CELF4: variants seen among roughly 807,000 people sequenced by gnomAD.
The protein encoded by CELF4 is CUG-BP- and ETR-3-like factor 4.
Under a neutral mutation model 59.9 loss-of-function variants are expected in CELF4, and 18 were observed. That is an observed-to-expected ratio of 0.30 (90% CI 0.21 to 0.45). The LOEUF is 0.45. Among genes scored for constraint, CELF4 ranks in the 20% least tolerant of loss-of-function variants. The pLI is 1.00. For missense variants in CELF4, 456 were observed against 689.0 expected (o/e 0.66, Z 3.79); for synonymous variants, 261 against 267.1 (o/e 0.98, Z 0.22).
intron 3 of CELF4, among the ~76,000 whole-genome samples, chr18:37,282,322 C>T (rs974897577): frequency 1.1e-4 from 17 of 152,112 alleles, no homozygotes; most frequent in Admixed American, 6.5e-4. Context: ...CACTGAGATG[C>T]TCTCCAGCCT....
intron 2 of CELF4, among the ~76,000 whole-genome samples, chr18:37,376,364 T>A (rs1002133448): frequency 2.0e-5 from 3 of 152,212 alleles, no homozygotes; most frequent in Admixed American, 6.5e-5. Flanking sequence ...AGCCCCTGCC[T>A]GGCTTGGTGT....
intron 1 of CELF4, among the ~76,000 whole-genome samples, chr18:37,512,495 C>T (rs1320607473): frequency 6.7e-6 from 1 of 150,036 alleles, no homozygotes; most frequent in Non-Finnish European, 1.5e-5. Flanking sequence ...TTTTCCTCCT[C>T]TTCTTCCTCT....
chr18:37,551,691 C>A (rs2154605907), intron 1 of CELF4, among the ~76,000 whole-genome samples: 1 of 152,296 alleles, frequency 6.6e-6, no homozygotes, highest in South Asian at 2.1e-4. Context: ...GCAAACATGG[C>A]CACGGGTTTA....
At chr18:37,295,037 T>G (rs554474497) in intron 3 of CELF4, among the ~76,000 whole-genome samples, 1 of 152,198 alleles carries the variant, frequency 6.6e-6, no homozygotes, top group Non-Finnish European at 1.5e-5. Context: ...TTCTGGACCA[T>G]GTAGGTGAAC....
chr18:37,407,936 C>T (rs1405055932), intron 2 of CELF4, among the ~76,000 whole-genome samples: 1 of 151,738 alleles, frequency 6.6e-6, no homozygotes, highest in Non-Finnish European at 1.5e-5. Flanking sequence ...TGCTCTGTAC[C>T]ACAGAATATT....
chr18:37,262,536 G>A (rs1160839594), intron 10 of CELF4, among the ~76,000 whole-genome samples: 1 of 152,186 alleles, frequency 6.6e-6, no homozygotes, highest in South Asian at 2.1e-4. Flanking sequence ...CTCAGTTTAA[G>A]GCCTGCAGTA....
In CELF4 at chr18:37,407,599, A is replaced by G. The variant is rs956425821; in HGVS notation, c.369+77926T>C. On this transcript the variant is annotated intron_variant, in intron 2 of 12. Coordinates refer to ENST00000420428, the MANE Select transcript of CELF4 (RefSeq NM_020180.4). ...TGTATGTGTGTGGGTATATGTGTAT[A>G]TATATACACACATATACCCACACAC... 1.5e-4 allele frequency among the ~76,000 whole-genome samples: 14 copies of G among 95,042 alleles called. No homozygotes were observed. The East Asian group carries it at 5.1e-3, about 35-fold the overall frequency. 62.4% of individuals were successfully genotyped at this position (95,042 alleles called of 152,430 possible).
intron 1 of CELF4, among the ~76,000 whole-genome samples, chr18:37,557,327 T>C (rs1478165427): frequency 6.6e-6 from 1 of 152,200 alleles, no homozygotes; most frequent in African/African-American, 2.4e-5. Context: ...GTGAACCAAG[T>C]TGTGTAATTT....
At position 37,444,259 on chromosome 18, in the gene CELF4, G is replaced by T. The variant is rs553605006; in HGVS notation, c.369+41266C>A. Reference sequence around the variant, plus strand: ...ATCCAGGCACCTGTATAGACCCCCTGTGTGGGTAGGGGTGGATCCCCCCTA... The same window carrying T: ...ATCCAGGCACCTGTATAGACCCCCTTTGTGGGTAGGGGTGGATCCCCCCTA... On this transcript the variant is annotated intron_variant, in intron 2 of 12. Transcript: ENST00000420428. Among the ~76,000 whole-genome samples the T allele has an allele frequency of 2.2e-3, 329 of 152,178 alleles. 1 individual carries two copies. Among genetic ancestry groups the T allele is most frequent in the African/African-American group, 7.5e-3 (311 of 41,528 alleles).
rs550169542 is a variant in CELF4, at chr18:37,474,184, A to C, written c.369+11341T>G. ...TATTTGTTGAGGCCACTGCAGCCAA[A>C]TGAATTTCTAAGTGGAAGGGTGGCC... On this transcript the variant is annotated intron_variant, in intron 2 of 12. Transcript: ENST00000420428. Among the ~76,000 whole-genome samples, 5 of 152,336 alleles carry C rather than the reference A, an allele frequency of 3.3e-5. No individual in the cohort carries two copies. The East Asian group carries it at 9.6e-4, about 29-fold the overall frequency.
chr18:37,263,972 G>A (rs1196859858), intron 10 of CELF4, among the ~76,000 whole-genome samples: 1 of 152,234 alleles, frequency 6.6e-6, no homozygotes, highest in Admixed American at 6.5e-5. Flanking sequence ...CCCACCAGAG[G>A]AGGGGGATTC....
intron 1 of CELF4, among the ~76,000 whole-genome samples, chr18:37,541,194 C>T (rs2099977518): frequency 6.6e-6 from 1 of 152,098 alleles, no homozygotes; most frequent in Admixed American, 6.5e-5. Flanking sequence ...GATCATATTC[C>T]ACCTGCCTTC....
chr18:37,492,360 C>T (rs1030276988), intron 1 of CELF4, among the ~76,000 whole-genome samples: 8 of 152,292 alleles, frequency 5.3e-5, no homozygotes, highest in African/African-American at 1.9e-4. Context: ...CCCCCGGCTG[C>T]ACCTGAGAAT....
intron 9 of CELF4, 116 bp downstream of exon 9, chr18:37,266,417 C>A (rs1303569585): frequency 9.3e-7 from 1 of 1,080,838 alleles, no homozygotes; most frequent in African/African-American, 1.6e-5. Context: ...CCTCTTTCCA[C>A]TCTCTCTCCC....
chr18:37,244,606 CA>C lies in CELF4; in HGVS notation c.*635del, dbSNP rs2061417739. On this transcript the variant is annotated 3_prime_UTR_variant, in exon 13 of 13. Coordinates refer to ENST00000420428, the MANE Select transcript of CELF4 (RefSeq NM_020180.4). The stretch of plus-strand genomic sequence containing the variant: ...TTGTTTTTTTTTTAATTTTTTATTA[CA>C]TTTTTTCATAGAATCGCTCTAAGCT... 1 of 151,010 alleles carries C rather than the reference CA, an allele frequency of 6.6e-6. No homozygotes were observed. Among genetic ancestry groups the C allele is most frequent in the Admixed American group, 6.6e-5 (1 of 15,120 alleles). 9.4% of individuals were successfully genotyped at this position (151,010 alleles called of 1,614,324 possible).
At chr18:37,419,227 T>A (rs549554532) in intron 2 of CELF4, among the ~76,000 whole-genome samples, 1 of 152,346 alleles carries the variant, frequency 6.6e-6, no homozygotes, top group Non-Finnish European at 1.5e-5. Flanking sequence ...TTTGATTACA[T>A]GGATTTTACA....
chr18:37,403,337 T>A (rs1395559391), intron 2 of CELF4, among the ~76,000 whole-genome samples: 1 of 152,110 alleles, frequency 6.6e-6, no homozygotes, highest in East Asian at 1.9e-4. Context: ...AAAGGGAGCC[T>A]GGGAGCGAAA....
At chr18:37,333,642 C>G (rs775632583) in intron 2 of CELF4, among the ~76,000 whole-genome samples, 1 of 151,830 alleles carries the variant, frequency 6.6e-6, no homozygotes, top group African/African-American at 2.4e-5. Flanking sequence ...GCCCGTGCTG[C>G]CTCTCCTCCA....
chr18:37,475,930 T>A (rs2099847589), intron 2 of CELF4, among the ~76,000 whole-genome samples: 1 of 152,318 alleles, frequency 6.6e-6, no homozygotes, highest in South Asian at 2.1e-4. Flanking sequence ...TTTCGGGGCA[T>A]CCCAGCTCTC....
Sources: allele counts gnomAD v4.1 joint callset (sites outside exome capture counted in the v4.1 genomes callset), GRCh38; gene constraint gnomAD v4.1.1; transcripts MANE v1.5; gene names NCBI Gene and HGNC (gene_info 2026-07-23, HGNC 2026-07-21).